The following FRMD6 variants were observed in gnomAD, a reference collection of about 807,000 sequenced individuals.
The protein encoded by FRMD6 is FERM domain containing 6, also known as FERM domain-containing protein 6.
In FRMD6, 37 loss-of-function variants were observed where a neutral mutation model predicts 73.2. That is an observed-to-expected ratio of 0.51 (90% confidence interval 0.39 to 0.66). FRMD6 has a LOEUF of 0.66. FRMD6 is among the 30% of genes least tolerant of loss of function. The pLI is 0.00. For synonymous variants in FRMD6, 273 were observed against 282.2 expected (o/e 0.97, Z 0.33); for missense variants, 714 against 780.5 (o/e 0.91, Z 1.02).
the FRMD6 span, among the ~76,000 whole-genome samples, chr14:51,450,513 C>A: frequency 2.6e-5 from 4 of 152,280 alleles, no homozygotes; most frequent in South Asian, 8.3e-4. Flanking sequence ...GCCAGCAGTT[C>A]CCCACCAGGG....
chr14:51,620,672 T>C (rs1279072908), intron 2 of FRMD6, among the ~76,000 whole-genome samples: 1 of 152,216 alleles, frequency 6.6e-6, no homozygotes, highest in Admixed American at 6.5e-5. Context: ...AGCCTTTCTC[T>C]GGATGGATGT....
rs558285311 is a variant in FRMD6 at position 51,701,811 on chromosome 14, C to G, written c.294+652C>G. Among the ~76,000 whole-genome samples the G allele has an allele frequency of 8.6e-5, 13 of 151,800 alleles. No homozygotes were observed. In the East Asian group the frequency reaches 1.2e-3, roughly 14 times the overall value. ...CTTCTTTTTTGGCTATGCTAGGTGT[C>G]AAAATTGCTGTTCTAGAAGTTATTA... On this transcript the variant is annotated intron_variant, in intron 4 of 13. Coordinates refer to ENST00000344768, the MANE Select transcript of FRMD6 (RefSeq NM_001267046.2).
intron 3 of FRMD6, among the ~76,000 whole-genome samples, chr14:51,698,988 A>G (rs1896121874): frequency 6.6e-6 from 1 of 152,052 alleles, no homozygotes; most frequent in Non-Finnish European, 1.5e-5. Context: ...ATTTAATTCT[A>G]ATTCTTGAAT....
chr14:51,505,004 C>T (rs61364245), intron 1 of FRMD6, among the ~76,000 whole-genome samples: 8,211 of 152,192 alleles, frequency 0.054, 741 homozygotes, highest in African/African-American at 0.19. Flanking sequence ...TGGGAAAGAC[C>T]TCAGGTGAAG....
intron 2 of FRMD6, among the ~76,000 whole-genome samples, chr14:51,633,972 G>A (rs2139993331): frequency 6.6e-6 from 1 of 152,154 alleles, no homozygotes; most frequent in South Asian, 2.1e-4. Flanking sequence ...TTTAAAATGT[G>A]ATGGCAGGTT....
rs1315073820 is a variant in FRMD6, at chr14:51,698,172, C to G, written c.130C>G (p.Gln44Glu). The stretch of plus-strand genomic sequence containing the variant: ...GATTCTGTGTCACCAGTTGCTGGTC[C>G]AGGTTTGTGACCTGCTCAGGCTAAA... Reference protein sequence around the residue: ...VKILCHQLLVQVCDLLRLKDC... With the variant: ...VKILCHQLLVEVCDLLRLKDC... Residue 44 changes from glutamine to glutamate, a missense_variant, in exon 3 of 14, where the codon CAG becomes GAG. Physicochemically the swap from Gln to Glu is conservative, Grantham distance 29. Transcript: ENST00000344768. The G allele has an allele frequency of 2.5e-6, 4 of 1,612,414 alleles. No individual in the cohort carries two copies. Among genetic ancestry groups the G allele is most frequent in the Admixed American group, 1.7e-5 (1 of 59,860 alleles).
intron 6 of FRMD6, 35 bp from the exon 7 acceptor site, chr14:51,708,043 A>C (rs768025504): frequency 6.2e-6 from 10 of 1,607,210 alleles, no homozygotes; most frequent in Non-Finnish European, 8.5e-6. Flanking sequence ...TCTCTCCAAC[A>C]AATGTTGCAT....
At chr14:51,622,533 G>T (rs1262258786) in intron 2 of FRMD6, among the ~76,000 whole-genome samples, 1 of 152,160 alleles carries the variant, frequency 6.6e-6, no homozygotes, top group African/African-American at 2.4e-5. Context: ...AAGGTTCATT[G>T]TATGTTTGTG....
intron 13 of FRMD6, 141 bp from the exon 14 acceptor site, chr14:51,727,604 G>A: frequency 1.4e-6 from 1 of 714,212 alleles, no homozygotes. Flanking sequence ...TCCCCATACA[G>A]CCCAGAAACC....
intron 2 of FRMD6, among the ~76,000 whole-genome samples, chr14:51,583,834 G>A (rs372772593): frequency 2.0e-5 from 3 of 152,164 alleles, no homozygotes; most frequent in African/African-American, 4.8e-5. Context: ...ATGGCCTAAG[G>A]TTTGAGCTGT....
intron 2 of FRMD6, among the ~76,000 whole-genome samples, chr14:51,616,318 T>A (rs1358286126): frequency 6.6e-6 from 1 of 152,144 alleles, no homozygotes; most frequent in Non-Finnish European, 1.5e-5. Flanking sequence ...TGAATACAAT[T>A]TAAGTGTTCT....
At position 51,704,624 on chromosome 14, in the gene FRMD6, G is replaced by A. The variant is rs150075836; in HGVS notation, c.372-125G>A. The A allele has an allele frequency of 2.6e-4, 192 of 737,844 alleles. No individual in the cohort carries two copies. In the African/African-American group the frequency reaches 3.0e-3, roughly 12 times the overall value. The allele number at this position is 737,844 out of a possible 1,614,324, so 45.7% of individuals were successfully genotyped here. A position where few individuals can be genotyped will look rare whatever the true frequency, so the allele number is the denominator to read the frequency against. On this transcript the variant is annotated intron_variant, in intron 5 of 13. Coordinates refer to ENST00000344768, the MANE Select transcript of FRMD6 (RefSeq NM_001267046.2). ...CTACAACCGCTTCCTTTTCAGTGAG[G>A]TGGGAGGGAGGAGCAGAAACAGAAG... is the stretch of plus-strand genomic sequence containing the variant.
rs544746755 is a variant in FRMD6, at chr14:51,495,482, C to G, written c.-210+6062C>G. On this transcript the variant is annotated intron_variant, in intron 1 of 14. Coordinates refer to the FRMD6 transcript ENST00000356218. ...TCAAATAGAATGACAAATTTTATAG[C>G]TCTTCTGGCAAATTGCCAGATTGAT... Among the ~76,000 whole-genome samples the G allele has an allele frequency of 3.3e-5, 5 of 152,328 alleles. No homozygotes were observed. The South Asian group carries it at 1.0e-3, about 32-fold the overall frequency.
the FRMD6 span, among the ~76,000 whole-genome samples, chr14:51,470,085 A>AT: frequency 4.2e-4 from 64 of 152,234 alleles, no homozygotes; most frequent in Middle Eastern, 3.4e-3. Context: ...AAAGTTTTTC[A>AT]TTTTTTTAAA....
the FRMD6 span, among the ~76,000 whole-genome samples, chr14:51,424,977 T>G: frequency 1.3e-5 from 2 of 152,238 alleles, no homozygotes; most frequent in Non-Finnish European, 2.9e-5. Flanking sequence ...GCATTTTGAC[T>G]TGGGCAGGAC....
upstream of FRMD6, among the ~76,000 whole-genome samples, chr14:51,647,255 T>C (rs1892117984): frequency 6.6e-6 from 1 of 152,184 alleles, no homozygotes; most frequent in African/African-American, 2.4e-5. Context: ...AAGTAAATCT[T>C]CTTGAGTTAG....
At chr14:51,639,108 T>G (rs950856820) in intron 2 of FRMD6, among the ~76,000 whole-genome samples, 8 of 152,122 alleles carry the variant, frequency 5.3e-5, no homozygotes, top group Admixed American at 5.2e-4. Flanking sequence ...CACAGGACTT[T>G]TCTTTTCCTT....
chr14:51,456,154 A>C, the FRMD6 span, among the ~76,000 whole-genome samples: 1 of 151,964 alleles, frequency 6.6e-6, no homozygotes, highest in Admixed American at 6.6e-5. Context: ...TTTTCTTTTA[A>C]ATTTTTTTTA....
intron 2 of FRMD6, among the ~76,000 whole-genome samples, chr14:51,591,503 T>C (rs1238476888): frequency 6.6e-6 from 1 of 152,218 alleles, no homozygotes; most frequent in African/African-American, 2.4e-5. Flanking sequence ...ATAAAACACT[T>C]TAATTCTCAA....
Sources: allele counts gnomAD v4.1 joint callset (sites outside exome capture counted in the v4.1 genomes callset), GRCh38; gene constraint gnomAD v4.1.1; transcripts MANE v1.5; gene names NCBI Gene and HGNC (gene_info 2026-07-23, HGNC 2026-07-21).